SLC9D1: variants seen among roughly 807,000 people sequenced by gnomAD.
SLC9D1 encodes putative LAG1-interacting protein.
chr13:113,516,665 G>C, the SLC9D1 span, among the ~76,000 whole-genome samples: 10 of 152,120 alleles, frequency 6.6e-5, no homozygotes. Flanking sequence ...GGCCACAGCA[G>C]CGGCCTCAGT....
the SLC9D1 span, chr13:113,529,477 C>G: frequency 6.6e-6 from 1 of 152,102 alleles, no homozygotes; most frequent in Non-Finnish European, 1.5e-5. Flanking sequence ...GGTGAAACCC[C>G]GTCTCTACTA....
At chr13:113,520,735 T>C in the SLC9D1 span, 1 of 1,598,068 alleles carries the variant, frequency 6.3e-7, no homozygotes, top group South Asian at 1.1e-5. Flanking sequence ...ATCTTCTAGG[T>C]AAACGCTTTG....
At chr13:113,515,807 C>T in the SLC9D1 span, among the ~76,000 whole-genome samples, 2 of 143,968 alleles carry the variant, frequency 1.4e-5, no homozygotes, top group Non-Finnish European at 3.0e-5. Flanking sequence ...AGAAGAATGG[C>T]GTGAACCCGG....
the SLC9D1 span, among the ~76,000 whole-genome samples, chr13:113,502,133 T>C: frequency 6.6e-6 from 1 of 152,228 alleles, no homozygotes; most frequent in Non-Finnish European, 1.5e-5. Context: ...CCATTTCCAG[T>C]AACGTGCTGG....
At chr13:113,495,917 A>C in the SLC9D1 span, 1 of 1,614,152 alleles carries the variant, frequency 6.2e-7, no homozygotes, top group Non-Finnish European at 8.5e-7. Flanking sequence ...CCGTTTTCCA[A>C]GCTGTCTACG....
chr13:113,538,174 T>G, the SLC9D1 span, among the ~76,000 whole-genome samples: 1 of 152,112 alleles, frequency 6.6e-6, no homozygotes, highest in Non-Finnish European at 1.5e-5. Context: ...GTGTACTTTA[T>G]GTGGTGTGTG....
At chr13:113,536,388 T>C in the SLC9D1 span, 6 of 197,232 alleles carry the variant, frequency 3.0e-5, no homozygotes, top group Non-Finnish European at 4.6e-5. Context: ...ACAAAAATTG[T>C]TTCTTATATA....
the SLC9D1 span, chr13:113,498,470 G>A: frequency 5.7e-6 from 9 of 1,592,502 alleles, no homozygotes; most frequent in African/African-American, 1.4e-5. Flanking sequence ...GAAAGGCAGC[G>A]GATCGTCTGG....
the SLC9D1 span, among the ~76,000 whole-genome samples, chr13:113,493,682 T>C: frequency 0.44 from 67,411 of 152,174 alleles, 17,773 homozygotes; most frequent in African/African-American, 0.74. Flanking sequence ...GTGAATTCTC[T>C]GTGGAGTGTG....
the SLC9D1 span, chr13:113,520,818 A>T: frequency 2.0e-6 from 2 of 1,018,494 alleles, no homozygotes; most frequent in Non-Finnish European, 1.5e-6. Flanking sequence ...TTCCAAAGAG[A>T]TGTTCTGAGC....
At chr13:113,517,864 G>A in the SLC9D1 span, among the ~76,000 whole-genome samples, 2 of 150,204 alleles carry the variant, frequency 1.3e-5, no homozygotes, top group South Asian at 4.2e-4. Context: ...CTTGTGGGGA[G>A]TGTGGGTGGA....
chr13:113,532,071 C>G, the SLC9D1 span, among the ~76,000 whole-genome samples: 2 of 152,200 alleles, frequency 1.3e-5, no homozygotes, highest in African/African-American at 2.4e-5. Flanking sequence ...ACAGCTCTTA[C>G]CAGGCTGCCA....
the SLC9D1 span, among the ~76,000 whole-genome samples, chr13:113,519,830 CTG>C: frequency 0.01 from 1,531 of 152,316 alleles, 24 homozygotes; most frequent in African/African-American, 0.035. Flanking sequence ...GACATCAAGT[CTG>C]TGTTGGTCTC....
At chr13:113,501,053 G>A in the SLC9D1 span, among the ~76,000 whole-genome samples, 28,165 of 152,060 alleles carry the variant, frequency 0.19, 3,448 homozygotes, top group African/African-American at 0.35. Flanking sequence ...CAGTGCCAGC[G>A]CCCACTAAAG....
chr13:113,537,137 A>G, the SLC9D1 span, among the ~76,000 whole-genome samples: 1 of 152,164 alleles, frequency 6.6e-6, no homozygotes, highest in African/African-American at 2.4e-5. Context: ...TTCTCTTCTC[A>G]TTTGTAGGAA....
chr13:113,498,354 T>C, the SLC9D1 span: 34 of 1,551,860 alleles, frequency 2.2e-5, no homozygotes, highest in Non-Finnish European at 2.8e-5. Flanking sequence ...AGAAACAGAA[T>C]ATATGGAACT....
chr13:113,509,198 C>T, the SLC9D1 span, among the ~76,000 whole-genome samples: 4,260 of 107,132 alleles, frequency 0.04, 18 homozygotes, highest in African/African-American at 0.091. Flanking sequence ...CCCCCTGGAG[C>T]TGCCTGTGTA....
chr13:113,494,646 G>T, the SLC9D1 span, among the ~76,000 whole-genome samples: 5 of 142,126 alleles, frequency 3.5e-5, no homozygotes, highest in Non-Finnish European at 7.5e-5. Flanking sequence ...AGAGATCTAG[G>T]TATTGTGGCA....
chr13:113,527,041 C>T, the SLC9D1 span, among the ~76,000 whole-genome samples: 1 of 152,214 alleles, frequency 6.6e-6, no homozygotes, highest in African/African-American at 2.4e-5. Context: ...TGTGTAAATG[C>T]ACTCTGGAAT....
Sources: gnomAD v4.1 joint callset for allele counts (sites outside exome capture counted in the v4.1 genomes callset) on GRCh38, gnomAD v4.1.1 for gene constraint, MANE v1.5 for transcripts, NCBI Gene and HGNC (gene_info 2026-07-23, HGNC 2026-07-21) for gene names.